The following STK32B variants were observed in gnomAD, a reference collection of about 807,000 sequenced individuals.
STK32B encodes serine/threonine-protein kinase 32B.
Under a neutral mutation model 52.6 loss-of-function variants are expected in STK32B, and 43 were observed. The observed-to-expected ratio is 0.82, with a 90% CI of 0.64 to 1.05. The LOEUF is 1.05. Ranked by LOEUF, STK32B falls within the 50% of genes least tolerant of loss-of-function variation. STK32B has a pLI of 0.00. For synonymous variants in STK32B, 238 were observed against 204.3 expected (o/e 1.17, Z -1.41); for missense variants, 621 against 534.6 (o/e 1.16, Z -1.59).
At chr4:5,111,192 G>T (rs1316804444) in intron 1 of STK32B, among the ~76,000 whole-genome samples, 29 of 152,082 alleles carry the variant, frequency 1.9e-4, no homozygotes, top group Admixed American at 1.8e-3. Flanking sequence ...GCCCTTATGG[G>T]AAACAGTATA....
chr4:5,218,938 G>A (rs959755758), intron 3 of STK32B, among the ~76,000 whole-genome samples: 4 of 152,068 alleles, frequency 2.6e-5, no homozygotes, highest in Middle Eastern at 3.2e-3. Context: ...AGGCCCCACT[G>A]AGCTTGTTTT....
rs1716907071 is a variant in STK32B, at chr4:5,460,045, C to T, written c.784-58C>T. ...GCCCTGAGACCCCCTCCTTCAGAGT[C>T]CCCGCTAACCTTGAGGGATGCCCAA... On this transcript the variant is annotated intron_variant, in intron 8 of 11. Coordinates refer to ENST00000282908, the MANE Select transcript of STK32B (RefSeq NM_018401.3). The surrounding 1 kb of genome is among the most constrained non-coding windows in gnomAD (Gnocchi z 4.8). 1.2e-6 allele frequency: 2 copies of T among 1,613,376 alleles called. No individual in the cohort carries two copies. Among genetic ancestry groups the T allele is most frequent in the African/African-American group, 1.3e-5 (1 of 74,924 alleles).
At chr4:5,109,209 C>T (rs1366061220) in intron 1 of STK32B, among the ~76,000 whole-genome samples, 1 of 152,190 alleles carries the variant, frequency 6.6e-6, no homozygotes, top group African/African-American at 2.4e-5. Context: ...TTCCAGGTGT[C>T]ATGCGCAGCT....
intron 4 of STK32B, among the ~76,000 whole-genome samples, chr4:5,352,653 C>A (rs570665429): frequency 1.3e-5 from 2 of 150,250 alleles, no homozygotes; most frequent in South Asian, 2.1e-4. Context: ...AAAAAGAAGT[C>A]ATTTGTCCCT....
At chr4:5,474,935 G>A (rs1016950737) in intron 11 of STK32B, among the ~76,000 whole-genome samples, 3 of 152,152 alleles carry the variant, frequency 2.0e-5, no homozygotes, top group African/African-American at 7.2e-5. Context: ...AGGCAGGGCC[G>A]AGCTTCCTGG....
At chr4:5,482,135 G>C (rs1209821150) in intron 11 of STK32B, among the ~76,000 whole-genome samples, 1 of 152,172 alleles carries the variant, frequency 6.6e-6, no homozygotes, top group African/African-American at 2.4e-5. Context: ...GTCATTGGTA[G>C]CTTGATGGGG....
rs1426364228 is a variant in STK32B at position 5,394,101 on chromosome 4, G to A, written c.435-4106G>A. On this transcript the variant is annotated intron_variant, in intron 4 of 11. Transcript: ENST00000282908. The surrounding 1 kb of genome is among the most constrained non-coding windows in gnomAD (Gnocchi z 4.2). ...AACATCCTGGTGGCCCTGCTTTGCA[G>A]TCTGTGCATGGGTACCTCTGGATCA... Among the ~76,000 whole-genome samples the A allele has an allele frequency of 6.6e-6, 1 of 152,176 alleles. No individual in the cohort carries two copies. The highest frequency in any genetic ancestry group is 1.5e-5 in the Non-Finnish European group (1 of 68,034).
chr4:5,262,988 C>T (rs1726823145), intron 3 of STK32B, among the ~76,000 whole-genome samples: 1 of 152,094 alleles, frequency 6.6e-6, no homozygotes, highest in Non-Finnish European at 1.5e-5. Context: ...CTGAAGCCTC[C>T]CCTGATCACC....
chr4:5,054,388 G>C (rs1001746101), intron 1 of STK32B, among the ~76,000 whole-genome samples: 1 of 152,000 alleles, frequency 6.6e-6, no homozygotes, highest in Non-Finnish European at 1.5e-5. Context: ...TTTTAGACTG[G>C]CATCTTGCAG....
chr4:5,196,380 A>G (rs1721668174), intron 3 of STK32B, among the ~76,000 whole-genome samples: 1 of 102,840 alleles, frequency 9.7e-6, no homozygotes, highest in Non-Finnish European at 1.8e-5. Context: ...GGCCCACCTC[A>G]TAGTTTTGTT....
At chr4:5,141,661 G>C (rs892258447) in intron 2 of STK32B, among the ~76,000 whole-genome samples, 2 of 152,130 alleles carry the variant, frequency 1.3e-5, no homozygotes, top group Admixed American at 6.5e-5. Flanking sequence ...TGGTGGCCTG[G>C]GGCACATGGC....
chr4:5,301,746 C>G (rs72613199), intron 3 of STK32B, among the ~76,000 whole-genome samples: 5 of 124,388 alleles, frequency 4.0e-5, no homozygotes, highest in African/African-American at 1.2e-4. Context: ...GTTCCATTAG[C>G]TTTTTTTTTT....
intron 3 of STK32B, among the ~76,000 whole-genome samples, chr4:5,287,657 T>A (rs1022221128): frequency 2.6e-5 from 4 of 151,418 alleles, no homozygotes; most frequent in Admixed American, 6.6e-5. Context: ...ATGTAAATAA[T>A]ACATATGGTA....
intron 1 of STK32B, among the ~76,000 whole-genome samples, chr4:5,064,902 T>G (rs1577044474): frequency 6.7e-6 from 1 of 149,162 alleles, no homozygotes; most frequent in East Asian, 1.9e-4. Flanking sequence ...AACCTTCTCC[T>G]CCTTAAGATT....
chr4:5,076,154 G>A (rs1253596519), intron 1 of STK32B, among the ~76,000 whole-genome samples: 1 of 152,130 alleles, frequency 6.6e-6, no homozygotes, highest in African/African-American at 2.4e-5. Flanking sequence ...ACATGACCAA[G>A]AGAACCCAAA....
intron 1 of STK32B, among the ~76,000 whole-genome samples, chr4:5,063,967 G>C (rs1259006558): frequency 6.6e-6 from 1 of 152,028 alleles, no homozygotes; most frequent in Non-Finnish European, 1.5e-5. Context: ...TGAAGTTCCT[G>C]TTCATAACTT....
chr4:5,498,615 T>A (rs577821008), intron 11 of STK32B, among the ~76,000 whole-genome samples: 1 of 152,294 alleles, frequency 6.6e-6, no homozygotes, highest in East Asian at 1.9e-4. Flanking sequence ...TTGGGAAATA[T>A]AAATATATGG....
At chr4:5,141,678 G>C (rs1010657987) in intron 2 of STK32B, among the ~76,000 whole-genome samples, 2 of 152,102 alleles carry the variant, frequency 1.3e-5, no homozygotes, top group Non-Finnish European at 2.9e-5. Context: ...TGGCAGTGCT[G>C]GGGGTGGTGA....
At chr4:5,156,085 G>C (rs1717808456) in intron 2 of STK32B, among the ~76,000 whole-genome samples, 1 of 151,074 alleles carries the variant, frequency 6.6e-6, no homozygotes, top group Non-Finnish European at 1.5e-5. Context: ...ACACATACAT[G>C]TATATGCATA....
Sources: allele counts gnomAD v4.1 joint callset (sites outside exome capture counted in the v4.1 genomes callset), GRCh38; gene constraint gnomAD v4.1.1; non-coding constraint Gnocchi (gnomAD v3.1); transcripts MANE v1.5; gene names NCBI Gene and HGNC (gene_info 2026-07-23, HGNC 2026-07-21).